The following ANTXR1 variants were observed in gnomAD, a reference collection of about 807,000 sequenced individuals.
ANTXR1 encodes ANTXR cell adhesion molecule 1.
A neutral mutation model predicts 78.1 loss-of-function variants in ANTXR1; 19 were observed. The ratio of observed to expected loss-of-function variants is 0.24; its 90% CI spans 0.17 to 0.36. The LOEUF (loss-of-function observed/expected upper bound fraction) is 0.36, where lower values mean the gene tolerates loss of function less well. ANTXR1 is among the 10% of genes least tolerant of loss of function. The pLI is 1.00. For missense variants in ANTXR1, 518 were observed against 718.6 expected (o/e 0.72, Z 3.19); for synonymous variants, 273 against 260.5 (o/e 1.05, Z -0.46).
chr2:69,233,493 C>A (rs1207580453), intron 17 of ANTXR1, among the ~76,000 whole-genome samples: 1 of 151,616 alleles, frequency 6.6e-6, no homozygotes, highest in African/African-American at 2.4e-5. Context: ...ATCTTGATAT[C>A]AAAAAGATTC....
intron 13 of ANTXR1, among the ~76,000 whole-genome samples, chr2:69,163,836 G>A (rs1028021213): frequency 3.9e-5 from 6 of 152,134 alleles, no homozygotes; most frequent in African/African-American, 1.2e-4. Flanking sequence ...ACTCAGTGGC[G>A]CCGAATACTG....
intron 12 of ANTXR1, among the ~76,000 whole-genome samples, chr2:69,143,610 C>T (rs1673132884): frequency 6.6e-6 from 1 of 152,012 alleles, no homozygotes. Flanking sequence ...GGAAATGAGA[C>T]AACCCATCGA....
intron 14 of ANTXR1, among the ~76,000 whole-genome samples, chr2:69,176,697 CAAAT>C (rs1300358383): frequency 1.3e-5 from 2 of 152,138 alleles, no homozygotes; most frequent in African/African-American, 4.8e-5. Flanking sequence ...AAATAATTGA[CAAAT>C]AAAAATCTCT....
intron 13 of ANTXR1, among the ~76,000 whole-genome samples, chr2:69,161,608 C>G (rs1307470733): frequency 6.6e-6 from 1 of 152,230 alleles, no homozygotes; most frequent in East Asian, 1.9e-4. Flanking sequence ...CCTCCATCAA[C>G]TAGCATCTCA....
Position 69,124,589 on chromosome 2 carries a change from G to A in ANTXR1, c.897G>A (p.Met299Ile). ...GGAAAGCTGCACTCCAGGTCAGCAT[G>A]AACGATGGCCTCTCTTTTATCTCCA... The part of the protein sequence containing the change: ...VGMKAALQVS[M>I]NDGLSFISSS... Residue 299 changes from methionine to isoleucine, a missense_variant, in exon 12 of 18, where the codon ATG (methionine) becomes ATA (isoleucine). Around this residue, in one of 5 missense-constraint regions of ANTXR1, gnomAD observed 264 missense variants for 391.8 expected, o/e 0.67. Transcript: ENST00000303714. The A allele has an allele frequency of 3.1e-6, 5 of 1,614,204 alleles. No individual in the cohort carries two copies. The highest frequency in any genetic ancestry group is 4.2e-6 in the Non-Finnish European group (5 of 1,180,030).
intron 3 of ANTXR1, among the ~76,000 whole-genome samples, chr2:69,067,619 C>T (rs1462597175): frequency 6.6e-6 from 1 of 152,134 alleles, no homozygotes; most frequent in Non-Finnish European, 1.5e-5. Flanking sequence ...TATCCCTCTG[C>T]CCCATAGTGC....
In ANTXR1 at chr2:69,246,376, G is replaced by A. The variant is rs1574002965; in HGVS notation, c.*891G>A. On this transcript the variant is annotated 3_prime_UTR_variant, in exon 18 of 18. Coordinates refer to ENST00000303714, the MANE Select transcript of ANTXR1 (RefSeq NM_032208.3). ...TTGGCTTCAGTTTAAATCACTTGAG[G>A]TATGAAGTTTATCCTGTTTTCCAGA... 6.6e-6 allele frequency: 1 copy of A among 152,206 alleles called. No homozygotes were observed. The highest frequency in any genetic ancestry group is 2.4e-5 in the African/African-American group (1 of 41,440). The allele number at this position is 152,206 out of a possible 1,614,324, so 9.4% of individuals were successfully genotyped here.
At chr2:69,105,825 G>A (rs760674804) in intron 10 of ANTXR1, among the ~76,000 whole-genome samples, 146 of 152,214 alleles carry the variant, frequency 9.6e-4, no homozygotes, top group Non-Finnish European at 1.6e-3. Flanking sequence ...TAATGAGAAA[G>A]ACTTAATTGA....
chr2:69,070,121 A>G (rs896443062), intron 3 of ANTXR1, among the ~76,000 whole-genome samples: 1 of 152,198 alleles, frequency 6.6e-6, no homozygotes, highest in Admixed American at 6.5e-5. Context: ...GCACCGGCCC[A>G]CAGAAAACAC....
rs572315268 is a variant in ANTXR1 at position 69,186,593 on chromosome 2, G to A, written c.1353+3933G>A. Among the ~76,000 whole-genome samples the A allele has an allele frequency of 2.6e-5, 4 of 152,372 alleles. No individual in the cohort carries two copies. In the South Asian group the frequency reaches 6.2e-4, roughly 24 times the overall value. On this transcript the variant is annotated intron_variant, in intron 16 of 17. Transcript: ENST00000303714. ...GGGGCAACCAGGGGCTGGCAACAGCGAGAGCTGTTACACCTGAAGAGCATG... is the reference window on the plus strand; with the variant it reads ...GGGGCAACCAGGGGCTGGCAACAGCAAGAGCTGTTACACCTGAAGAGCATG...
intron 4 of ANTXR1, 27 bp from the exon 5 acceptor site, chr2:69,071,727 C>T: frequency 6.2e-7 from 1 of 1,613,410 alleles, no homozygotes; most frequent in Non-Finnish European, 8.5e-7. Context: ...GGTTATAAGT[C>T]TAAGGGCTCT....
chr2:69,121,172 T>C (rs1672334814), intron 10 of ANTXR1, among the ~76,000 whole-genome samples: 1 of 152,254 alleles, frequency 6.6e-6, no homozygotes, highest in African/African-American at 2.4e-5. Flanking sequence ...TAACAATTTG[T>C]GTAATTACTA....
At chr2:69,120,872 G>T (rs1223383361) in intron 10 of ANTXR1, among the ~76,000 whole-genome samples, 1 of 152,096 alleles carries the variant, frequency 6.6e-6, no homozygotes, top group Non-Finnish European at 1.5e-5. Context: ...CTTCATCATG[G>T]CCTATGTGGC....
At position 69,182,592 on chromosome 2, in the gene ANTXR1, G is replaced by A; in HGVS notation, c.1285G>A (p.Glu429Lys). Residue 429 changes from glutamate to lysine, a missense_variant, in exon 16 of 18, where the codon GAG becomes AAG. This residue lies in a region of ANTXR1 where 192 missense variants were observed against 230.2 expected (regional missense o/e 0.83). Transcript: ENST00000303714. Reference sequence around the variant, plus strand: ...GCCGGAGCAGGAATATGAATTCCCTGAGCCGCGAAATCTCAACAACAATAT... The same window carrying A: ...GCCGGAGCAGGAATATGAATTCCCTAAGCCGCGAAATCTCAACAACAATAT... ...KMPEQEYEFP[E>K]PRNLNNNMRR... 1 of 1,614,174 alleles carries A rather than the reference G, an allele frequency of 6.2e-7. No individual in the cohort carries two copies. Among genetic ancestry groups the A allele is most frequent in the Non-Finnish European group, 8.5e-7 (1 of 1,180,042 alleles).
intron 1 of ANTXR1, among the ~76,000 whole-genome samples, chr2:69,039,363 T>A (rs1294160598): frequency 1.3e-5 from 2 of 152,216 alleles, no homozygotes; most frequent in Non-Finnish European, 2.9e-5. Context: ...TGATTCCGTA[T>A]GTCCTAGGGA....
chr2:69,069,464 A>G (rs961101704), intron 3 of ANTXR1, among the ~76,000 whole-genome samples: 4 of 152,232 alleles, frequency 2.6e-5, no homozygotes, highest in Admixed American at 2.0e-4. Flanking sequence ...GCCTGGCACC[A>G]TAAGTTCTCA....
intron 17 of ANTXR1, among the ~76,000 whole-genome samples, chr2:69,215,570 GAAT>G (rs1675154678): frequency 1.3e-5 from 2 of 152,158 alleles, no homozygotes; most frequent in Non-Finnish European, 2.9e-5. Context: ...GGCACTCAGT[GAAT>G]AATTATTGAA....
At chr2:69,212,595 G>A (rs1675069749) in intron 17 of ANTXR1, among the ~76,000 whole-genome samples, 1 of 152,170 alleles carries the variant, frequency 6.6e-6, no homozygotes, top group Non-Finnish European at 1.5e-5. Flanking sequence ...TCAGAAAACA[G>A]CATATGTATC....
chr2:69,041,473 C>T (rs1419612122), intron 2 of ANTXR1, among the ~76,000 whole-genome samples: 1 of 152,210 alleles, frequency 6.6e-6, no homozygotes, highest in East Asian at 1.9e-4. Context: ...GTCTCATTTG[C>T]TCTTCTGGGC....
Sources: gnomAD v4.1 joint callset for allele counts (sites outside exome capture counted in the v4.1 genomes callset) on GRCh38, gnomAD v4.1.1 for gene constraint, gnomAD v4.1.1 regional missense constraint, MANE v1.5 for transcripts, NCBI Gene and HGNC (gene_info 2026-07-23, HGNC 2026-07-21) for gene names.